The following CDKAL1 variants were observed in gnomAD, a reference collection of about 807,000 sequenced individuals.
CDKAL1 encodes the protein threonylcarbamoyladenosine tRNA methylthiotransferase.
In CDKAL1, 32 loss-of-function variants were observed where a neutral mutation model predicts 68.2. The ratio of observed to expected loss-of-function variants is 0.47; its 90% confidence interval spans 0.35 to 0.63. The LOEUF is 0.63. Ranked by LOEUF, CDKAL1 falls within the 30% of genes least tolerant of loss-of-function variation. The pLI is 0.00. For synonymous variants in CDKAL1, 234 were observed against 244.3 expected, an observed-to-expected ratio of 0.96 and a Z score of 0.39; for missense variants, 606 against 696.7, an observed-to-expected ratio of 0.87 and a Z score of 1.47.
At chr6:21,036,067 ATCTGCTCCAAATTTGT>A (rs1191819623) in intron 11 of CDKAL1, among the ~76,000 whole-genome samples, 2 of 152,176 alleles carry the variant, frequency 1.3e-5, no homozygotes, top group African/African-American at 2.4e-5. Context: ...CAGAAAATAT[ATCTGCTCCAAATTTGT>A]TTTGGAGTGG....
chr6:20,925,767 C>T (rs1419860952), intron 9 of CDKAL1, among the ~76,000 whole-genome samples: 2 of 152,054 alleles, frequency 1.3e-5, no homozygotes, highest in Non-Finnish European at 2.9e-5. Flanking sequence ...ACTAGAACCT[C>T]TATCAATAGT....
intron 8 of CDKAL1, among the ~76,000 whole-genome samples, chr6:20,804,478 T>A (rs959946961): frequency 3.3e-5 from 5 of 152,200 alleles, no homozygotes; most frequent in African/African-American, 1.2e-4. Context: ...TTACATTTTT[T>A]AAACAGCTGG....
chr6:20,562,861 G>A (rs1266999610), intron 4 of CDKAL1, among the ~76,000 whole-genome samples: 6 of 152,048 alleles, frequency 3.9e-5, no homozygotes, highest in South Asian at 2.1e-4. Flanking sequence ...TTGAATATAC[G>A]GTAGACAAGA....
chr6:20,833,581 T>C (rs1053591413), intron 8 of CDKAL1, among the ~76,000 whole-genome samples: 2 of 152,084 alleles, frequency 1.3e-5, no homozygotes, highest in Non-Finnish European at 2.9e-5. Context: ...CTATGTCTAT[T>C]CATAATACTG....
intron 4 of CDKAL1, among the ~76,000 whole-genome samples, chr6:20,624,425 T>C (rs1223062473): frequency 6.6e-6 from 1 of 152,038 alleles, no homozygotes; most frequent in Non-Finnish European, 1.5e-5. Flanking sequence ...GGATGCTTCT[T>C]GTATCTTTGC....
chr6:20,738,999 T>C (rs141356880), intron 5 of CDKAL1, among the ~76,000 whole-genome samples: 167 of 152,338 alleles, frequency 1.1e-3, no homozygotes, highest in Non-Finnish European at 2.0e-3. Flanking sequence ...CTTTAGCATG[T>C]CTCTAGGGAG....
At position 21,101,247 on chromosome 6, in the gene CDKAL1, C is replaced by T. The variant is rs991677080; in HGVS notation, c.1237-7154C>T. Among the ~76,000 whole-genome samples, 4 of 152,142 alleles carry T rather than the reference C, an allele frequency of 2.6e-5. 1 individual carries two copies. Among genetic ancestry groups the T allele is most frequent in the South Asian group, 4.1e-4 (2 of 4,826 alleles). ...AACAGTTGGAAGAGACCTTTGGGAT[C>T]GTCTTGACTAGTGTTTCTCATCTTT... On this transcript the variant is annotated intron_variant, in intron 12 of 15. Coordinates refer to ENST00000274695, the MANE Select transcript of CDKAL1 (RefSeq NM_017774.3).
intron 5 of CDKAL1, among the ~76,000 whole-genome samples, chr6:20,658,697 G>T (rs1374756713): frequency 6.6e-6 from 1 of 152,140 alleles, no homozygotes. Flanking sequence ...GAATAGAGAA[G>T]TGGTTACCTT....
intron 9 of CDKAL1, among the ~76,000 whole-genome samples, chr6:20,850,094 G>A (rs1758930233): frequency 6.6e-6 from 1 of 151,934 alleles, no homozygotes; most frequent in Admixed American, 6.6e-5. Context: ...ATATTCTTTG[G>A]ACCAGAAACT....
chr6:20,791,651 A>T (rs1195945672), intron 8 of CDKAL1, among the ~76,000 whole-genome samples: 2 of 152,106 alleles, frequency 1.3e-5, no homozygotes, highest in African/African-American at 2.4e-5. Flanking sequence ...TGTCAAGTGG[A>T]GGTAGGCTGG....
intron 7 of CDKAL1, among the ~76,000 whole-genome samples, chr6:20,767,121 T>C (rs766766022): frequency 1.4e-4 from 22 of 152,318 alleles, no homozygotes; most frequent in Non-Finnish European, 3.1e-4. Context: ...ATGTGCTTTA[T>C]TACGTGACTG....
At chr6:20,596,277 C>T (rs1315758100) in intron 4 of CDKAL1, among the ~76,000 whole-genome samples, 1 of 152,200 alleles carries the variant, frequency 6.6e-6, no homozygotes, top group Non-Finnish European at 1.5e-5. Context: ...CCCCTTCCCC[C>T]AGGTGCTCTG....
intron 6 of CDKAL1, among the ~76,000 whole-genome samples, chr6:20,753,313 T>C (rs984534067): frequency 6.9e-6 from 1 of 145,966 alleles, no homozygotes; most frequent in African/African-American, 2.6e-5. Context: ...CTTCATTCCC[T>C]TTTATGGATT....
rs566311809 is a variant in CDKAL1, at chr6:20,738,754, C to T, written c.372-765C>T. ...GCTCAAGTGATCCTCCCGCCTTGGC[C>T]TCCCAAAGTGTTGGGATTACAGGTG... On this transcript the variant is annotated intron_variant, in intron 5 of 15. Coordinates refer to ENST00000274695, the MANE Select transcript of CDKAL1 (RefSeq NM_017774.3). Among the ~76,000 whole-genome samples, 168 of 152,278 alleles carry T rather than the reference C, an allele frequency of 1.1e-3. 3 individuals are homozygous for T. The highest frequency in any genetic ancestry group is 1.4e-3 in the Non-Finnish European group (93 of 68,022).
chr6:21,083,235 T>A (rs1772508992), intron 12 of CDKAL1, among the ~76,000 whole-genome samples: 1 of 152,172 alleles, frequency 6.6e-6, no homozygotes, highest in Non-Finnish European at 1.5e-5. Context: ...TTTAATAATT[T>A]TGTGCAAGAA....
At chr6:21,199,323 T>C (rs1431976380) in intron 14 of CDKAL1, among the ~76,000 whole-genome samples, 1 of 152,190 alleles carries the variant, frequency 6.6e-6, no homozygotes, top group Non-Finnish European at 1.5e-5. Flanking sequence ...AAGCCCAGAC[T>C]AAACGTGCTC....
At chr6:20,960,572 G>A (rs1765006321) in intron 10 of CDKAL1, among the ~76,000 whole-genome samples, 1 of 152,178 alleles carries the variant, frequency 6.6e-6, no homozygotes, top group South Asian at 2.1e-4. Flanking sequence ...GGGAGATGTT[G>A]TCTTATCCAT....
chr6:20,647,574 T>C (rs1404752577), intron 4 of CDKAL1, among the ~76,000 whole-genome samples: 1 of 152,158 alleles, frequency 6.6e-6, no homozygotes, highest in Non-Finnish European at 1.5e-5. Context: ...AATGAATGAT[T>C]TTCAGTGTAC....
At chr6:20,672,236 C>CTCTTTCTTTCTTTCTTTCTT (rs66598881) in intron 5 of CDKAL1, among the ~76,000 whole-genome samples, 1 of 135,418 alleles carries the variant, frequency 7.4e-6, no homozygotes, top group East Asian at 2.4e-4. Context: ...TCTTTTCTTT[C>CTCTTTCTTTCTTTCTTTCTT]TCTTTCTTTC....
Sources: gnomAD v4.1 joint callset for allele counts (sites outside exome capture counted in the v4.1 genomes callset) on GRCh38, gnomAD v4.1.1 for gene constraint, MANE v1.5 for transcripts, NCBI Gene and HGNC (gene_info 2026-07-23, HGNC 2026-07-21) for gene names.